The following TMEM8B variants were observed in gnomAD, a reference collection of about 807,000 sequenced individuals.
TMEM8B encodes the protein nasopharyngeal carcinoma expressed 6.
Under a neutral mutation model 49.3 loss-of-function variants are expected in TMEM8B, and 29 were observed. The observed-to-expected ratio is 0.59, with a 90% confidence interval of 0.44 to 0.80. The LOEUF (loss-of-function observed/expected upper bound fraction) is 0.80, where lower values mean the gene tolerates loss of function less well. Among genes scored for constraint, TMEM8B ranks in the 30% least tolerant of loss-of-function variants. The probability of loss-of-function intolerance (pLI) is 0.00; values close to 1 mark genes in which losing one functional copy is unlikely to be tolerated. For synonymous variants in TMEM8B, 264 were observed against 272.8 expected, an observed-to-expected ratio of 0.97 and a Z score of 0.32; for missense variants, 575 against 658.5, an observed-to-expected ratio of 0.87 and a Z score of 1.39.
rs547256514 is a variant in TMEM8B at position 35,854,215 on chromosome 9, A to T, written c.*375A>T. 70 of 235,352 alleles carry T rather than the reference A, an allele frequency of 3.0e-4. 2 individuals carry two copies. The South Asian group carries it at 0.01, about 34-fold the overall frequency. 14.6% of individuals were successfully genotyped at this position (235,352 alleles called of 1,614,324 possible). ...CACAGCATCTTTCCAGAGGAGGTGG[A>T]GTCTATCTTGGGGAAACCAAATTTC... is the stretch of plus-strand genomic sequence containing the variant. On this transcript the variant is annotated 3_prime_UTR_variant, in exon 13 of 13. Coordinates refer to ENST00000643932, the MANE Select transcript of TMEM8B (RefSeq NM_001042590.4).
chr9:35,852,542 C>T (rs902401100), intron 10 of TMEM8B, among the ~76,000 whole-genome samples: 1 of 152,022 alleles, frequency 6.6e-6, no homozygotes, highest in Admixed American at 6.5e-5. Flanking sequence ...ATCAGAACCC[C>T]CTGGCAGGGC....
intron 1 of TMEM8B, among the ~76,000 whole-genome samples, chr9:35,832,009 T>C (rs1433549314): frequency 6.6e-6 from 1 of 152,184 alleles, no homozygotes; most frequent in Non-Finnish European, 1.5e-5. Flanking sequence ...ATGGAAGTTA[T>C]CTCTTGGGTC....
chr9:35,834,628 T>A lies in TMEM8B; in HGVS notation c.676T>A (p.Cys226Ser), dbSNP rs1224020600. The A allele has an allele frequency of 2.4e-6, 1 of 415,774 alleles. No individual in the cohort carries two copies. The highest frequency in any genetic ancestry group is 1.3e-4 in the South Asian group (1 of 7,962). 25.8% of individuals were successfully genotyped at this position (415,774 alleles called of 1,614,324 possible). Residue 226 changes from cysteine (C) to serine (S), a missense_variant, in exon 2 of 13, where the codon TGC becomes AGC. Coordinates refer to ENST00000643932, the MANE Select transcript of TMEM8B (RefSeq NM_001042590.4). ...KEQGGTFGDH[C>S]PDQSVTVYFR... ...GCAAGGGGGAACTTTTGGGGACCAC[T>A]GCCCAGACCAAAGTGTGACTGTGTG...
chr9:35,852,754 G>A, intron 10 of TMEM8B, 73 bp from the exon 11 acceptor site: 3 of 1,585,152 alleles, frequency 1.9e-6, no homozygotes, highest in East Asian at 2.2e-5. Context: ...CCACCCCTGG[G>A]CCCACCCCTC....
intron 3 of TMEM8B, among the ~76,000 whole-genome samples, chr9:35,838,688 A>T (rs1830674479): frequency 6.6e-6 from 1 of 152,138 alleles, no homozygotes; most frequent in Non-Finnish European, 1.5e-5. Flanking sequence ...CTAAAAGTAT[A>T]AAACTCTTTA....
chr9:35,842,487 C>G lies in TMEM8B; in HGVS notation c.1405C>G (p.Pro469Ala). 1 of 1,603,586 alleles carries G rather than the reference C, an allele frequency of 6.2e-7. No homozygotes were observed. Among genetic ancestry groups the G allele is most frequent in the South Asian group, 1.1e-5 (1 of 90,148 alleles). Residue 469 changes from proline (P) to alanine (A), a missense_variant, in exon 6 of 13, where the codon CCA becomes GCA. Physicochemically the swap from Pro to Ala is conservative, Grantham distance 27. Transcript: ENST00000643932. The surrounding 1 kb of genome is among the most constrained non-coding windows in gnomAD (Gnocchi z 5.6). Reference sequence around the variant, plus strand: ...CAACCAGCCACTGCCCCCAGAACCGCCATCCCTTGGAACCCCTGCGGAGGG... The same window carrying G: ...CAACCAGCCACTGCCCCCAGAACCGGCATCCCTTGGAACCCCTGCGGAGGG... ...LGNQPLPPEP[P>A]SLGTPAEGPG...
At position 35,842,783 on chromosome 9, in the gene TMEM8B, G is replaced by A. The variant is rs191416381; in HGVS notation, c.1635+66G>A. 1.3e-4 allele frequency: 189 copies of A among 1,493,844 alleles called. 1 individual carries two copies. The highest frequency in any genetic ancestry group is 3.6e-6 in the Non-Finnish European group (4 of 1,117,102). The allele number at this position is 1,493,844 out of a possible 1,614,324, so 92.5% of individuals were successfully genotyped here. ...GCTTGAAGGGGAAGGTGTCAGGGGT[G>A]TTGGGGTGTTTACCTCCTCCAGGAA... is the stretch of plus-strand genomic sequence containing the variant. On this transcript the variant is annotated intron_variant, in intron 6 of 12. Transcript: ENST00000643932. This position sits in a 1 kb window ranked among gnomAD's most constrained non-coding sequence, Gnocchi z 5.6.
chr9:35,832,310 A>G (rs1411097654), intron 1 of TMEM8B, among the ~76,000 whole-genome samples: 1 of 152,012 alleles, frequency 6.6e-6, no homozygotes, highest in Non-Finnish European at 1.5e-5. Flanking sequence ...GGCCTTACTC[A>G]TGCTTCTTCT....
chr9:35,846,983 GTTC>G lies in TMEM8B; in HGVS notation c.2168_2170del (p.Phe723del). ...AAGCTGCAGTCTACACCTTCACCAT[GTTC>G]TTCTCCACGGTATGCGGTGGTGTCT... On this transcript the variant is annotated inframe_deletion, in exon 10 of 13. Coordinates refer to ENST00000643932, the MANE Select transcript of TMEM8B (RefSeq NM_001042590.4). 1.2e-6 allele frequency: 2 copies of G among 1,614,212 alleles called. No homozygotes were observed. Among genetic ancestry groups the G allele is most frequent in the Non-Finnish European group, 8.5e-7 (1 of 1,180,038 alleles).
intron 1 of TMEM8B, among the ~76,000 whole-genome samples, chr9:35,830,549 A>G (rs952522103): frequency 6.6e-6 from 1 of 152,190 alleles, no homozygotes; most frequent in African/African-American, 2.4e-5. Context: ...AGATGGGGAA[A>G]CTGAGGCTCA....
Position 35,859,260 on chromosome 9 carries a change from T to C in TMEM8B, c.*5420T>C, listed in dbSNP as rs1273113787. Reference sequence around the variant, plus strand: ...ATAAAAAACCACCACCACTGTGCGGTGGGCTGAGCAGGTGGAGAAGGCTTT... The same window carrying C: ...ATAAAAAACCACCACCACTGTGCGGCGGGCTGAGCAGGTGGAGAAGGCTTT... On this transcript the variant is annotated 3_prime_UTR_variant, in exon 13 of 13. Coordinates refer to ENST00000643932, the MANE Select transcript of TMEM8B (RefSeq NM_001042590.4). 1 of 159,708 alleles carries C rather than the reference T, an allele frequency of 6.3e-6. No homozygotes were observed. The highest frequency in any genetic ancestry group is 2.4e-5 in the African/African-American group (1 of 41,714). 9.9% of individuals were successfully genotyped at this position (159,708 alleles called of 1,614,324 possible).
At chr9:35,833,067 C>T (rs1830074102) in intron 1 of TMEM8B, among the ~76,000 whole-genome samples, 2 of 152,160 alleles carry the variant, frequency 1.3e-5, no homozygotes, top group African/African-American at 4.8e-5. Flanking sequence ...TGGCCCCCAC[C>T]TATGTAGGGC....
rs1831169077 is a variant in TMEM8B, at chr9:35,842,933, G to A, written c.1635+216G>A. 6.6e-6 allele frequency among the ~76,000 whole-genome samples: 1 copy of A among 152,226 alleles called. No individual in the cohort carries two copies. Among genetic ancestry groups the A allele is most frequent in the Non-Finnish European group, 1.5e-5 (1 of 68,036 alleles). On this transcript the variant is annotated intron_variant, in intron 6 of 12. Transcript: ENST00000643932. The surrounding 1 kb of genome is among the most constrained non-coding windows in gnomAD (Gnocchi z 5.6). Reference sequence around the variant, plus strand: ...TGGGCGGGTCAACCAGGTCAACTCAGTGTCTGGGGTTTCCCAGTTTTGTAG... The same window carrying A: ...TGGGCGGGTCAACCAGGTCAACTCAATGTCTGGGGTTTCCCAGTTTTGTAG...
In TMEM8B at chr9:35,829,685, G is replaced by T; in HGVS notation, c.238G>T (p.Ala80Ser). ...SQPHSQCLLK[A>S]LAQPRPLLQS... The stretch of plus-strand genomic sequence containing the variant: ...GCCCCATTCCCAGTGTTTGCTTAAG[G>T]CCCTGGCTCAACCCCGTCCCTTGCT... The change falls in exon 1 of 13, where the codon GCC (alanine) becomes TCC (serine). Residue 80 changes from alanine to serine, a missense_variant. Coordinates refer to ENST00000643932, the MANE Select transcript of TMEM8B (RefSeq NM_001042590.4). 1 of 402,848 alleles carries T rather than the reference G, an allele frequency of 2.5e-6. No homozygotes were observed. The highest frequency in any genetic ancestry group is 4.4e-5 in the Admixed American group (1 of 22,712). 25.0% of individuals were successfully genotyped at this position (402,848 alleles called of 1,614,324 possible).
rs1291218519 is a variant in TMEM8B at position 35,834,500 on chromosome 9, G to A, written c.548G>A (p.Arg183His). 2.4e-5 allele frequency: 10 copies of A among 416,366 alleles called. No homozygotes were observed. Among genetic ancestry groups the A allele is most frequent in the Admixed American group, 4.4e-5 (1 of 22,724 alleles). 25.8% of individuals were successfully genotyped at this position (416,366 alleles called of 1,614,324 possible). The change falls in exon 2 of 13, where the codon CGC (arginine) becomes CAC (histidine). Residue 183 changes from arginine (R) to histidine (H), a missense_variant. Coordinates refer to ENST00000643932, the MANE Select transcript of TMEM8B (RefSeq NM_001042590.4). ...ACTGATTACTCCACCTGCTCACCCCGCAAGCTGAGTCCTTTCCGCTCCTTT... is the reference window on the plus strand; with the variant it reads ...ACTGATTACTCCACCTGCTCACCCCACAAGCTGAGTCCTTTCCGCTCCTTT... ...FLTDYSTCSP[R>H]KLSPFRSFAS...
Position 35,860,749 on chromosome 9 carries a change from A to G in TMEM8B, c.*6909A>G, listed in dbSNP as rs752487783. On this transcript the variant is annotated 3_prime_UTR_variant, in exon 13 of 13. Transcript: ENST00000643932. ...GAACTGTGGTCATGAAAGCCAAGCA[A>G]CTTACTTTCTGGCCTCCATATTGCT... 1.3e-5 allele frequency: 2 copies of G among 152,248 alleles called. No individual in the cohort carries two copies. The highest frequency in any genetic ancestry group is 4.8e-5 in the African/African-American group (2 of 41,458). 9.4% of individuals were successfully genotyped at this position (152,248 alleles called of 1,614,324 possible).
Position 35,845,985 on chromosome 9 carries a change from G to C in TMEM8B, c.1646G>C (p.Arg549Pro). 6.2e-7 allele frequency: 1 copy of C among 1,613,964 alleles called. No homozygotes were observed. Among genetic ancestry groups the C allele is most frequent in the South Asian group, 1.1e-5 (1 of 91,074 alleles). The change falls in exon 7 of 13, where the codon CGC becomes CCC. Residue 549 changes from arginine to proline, a missense_variant. Physicochemically the swap from Arg to Pro is moderately radical, Grantham distance 103. Transcript: ENST00000643932. ...ACCTGCCCTCCCCAGAGCTCCGTGCGCCAGGAAAACGTGACGGTGTTTGGA... is the reference window on the plus strand; with the variant it reads ...ACCTGCCCTCCCCAGAGCTCCGTGCCCCAGGAAAACGTGACGGTGTTTGGA... The part of the protein sequence containing the change: ...LELQLNASSV[R>P]QENVTVFGCL...
Position 35,853,642 on chromosome 9 carries a change from C to A in TMEM8B, c.2577C>A (p.Phe859Leu), listed in dbSNP as rs1403054523. 1 of 1,614,260 alleles carries A rather than the reference C, an allele frequency of 6.2e-7. No individual in the cohort carries two copies. Among genetic ancestry groups the A allele is most frequent in the Non-Finnish European group, 8.5e-7 (1 of 1,180,048 alleles). Reference protein sequence around the residue: ...YAFVETRDNYFYIHSIWHMLI... With the variant: ...YAFVETRDNYLYIHSIWHMLI... ...TTGTGGAGACCCGGGACAACTACTT[C>A]TACATTCACAGCATTTGGCATATGC... is the stretch of plus-strand genomic sequence containing the variant. The change falls in exon 13 of 13, where the codon TTC becomes TTA. Residue 859 changes from phenylalanine (F) to leucine (L), a missense_variant. Phe to Leu is a conservative substitution (Grantham distance 22). Transcript: ENST00000643932. The surrounding 1 kb of genome is among the most constrained non-coding windows in gnomAD (Gnocchi z 4.2).
rs1234648322 is a variant in TMEM8B at position 35,842,684 on chromosome 9, A to G, written c.1602A>G (p.Gly534=). The part of the protein sequence containing the change: ...AMRLLPVLDS[G]GVLSLELQLN... ...GGCTGTTGCCAGTGCTGGACAGTGGAGGCGTCCTCAGCCTGGAGCTCCAGC... is the reference window on the plus strand; with the variant it reads ...GGCTGTTGCCAGTGCTGGACAGTGGGGGCGTCCTCAGCCTGGAGCTCCAGC... The change falls in exon 6 of 13, where the codon GGA becomes GGG. Residue 534 remains glycine, a synonymous_variant. Transcript: ENST00000643932. The surrounding 1 kb of genome is among the most constrained non-coding windows in gnomAD (Gnocchi z 5.6). 2.5e-6 allele frequency: 4 copies of G among 1,613,764 alleles called. No homozygotes were observed. In the East Asian group the frequency reaches 6.7e-5, roughly 27 times the overall value.
Sources: allele counts gnomAD v4.1 joint callset (sites outside exome capture counted in the v4.1 genomes callset), GRCh38; gene constraint gnomAD v4.1.1; non-coding constraint Gnocchi (gnomAD v3.1); transcripts MANE v1.5; gene names NCBI Gene and HGNC (gene_info 2026-07-23, HGNC 2026-07-21).